The following RBFOX1 variants were observed in gnomAD, a reference collection of about 807,000 sequenced individuals.
The protein encoded by RBFOX1 is RNA binding protein fox-1 homolog 1.
Under a neutral mutation model 57.7 loss-of-function variants are expected in RBFOX1, and 8 were observed. The observed-to-expected ratio is 0.14, with a 90% CI of 0.08 to 0.25. The LOEUF is 0.25. Among genes scored for constraint, RBFOX1 ranks in the 10% least tolerant of loss-of-function variants. RBFOX1 has a pLI of 1.00. For synonymous variants in RBFOX1, 326 were observed against 222.4 expected, an observed-to-expected ratio of 1.47 and a Z score of -4.15; for missense variants, 611 against 548.5, an observed-to-expected ratio of 1.11 and a Z score of -1.14.
intron 1 of RBFOX1, among the ~76,000 whole-genome samples, chr16:6,087,833 A>T (rs1335399819): frequency 6.6e-6 from 1 of 151,780 alleles, no homozygotes; most frequent in African/African-American, 2.4e-5. Context: ...TTGTACTTTT[A>T]GTAGAGATGG....
At chr16:6,249,772 C>CTTTTTTTTTTT (rs55802545) in intron 1 of RBFOX1, among the ~76,000 whole-genome samples, 1 of 140,640 alleles carries the variant, frequency 7.1e-6, no homozygotes, top group African/African-American at 2.6e-5. Context: ...CATTTTTTTT[C>CTTTTTTTTTTT]TTTTTTTTTT....
At chr16:5,938,818 C>T (rs974755096) in intron 4 of RBFOX1, among the ~76,000 whole-genome samples, 7 of 152,130 alleles carry the variant, frequency 4.6e-5, no homozygotes, top group African/African-American at 1.7e-4. Flanking sequence ...ATGAACCACT[C>T]AGCTGAGCCT....
chr16:5,797,852 G>C (rs778334880), intron 3 of RBFOX1, among the ~76,000 whole-genome samples: 21 of 152,182 alleles, frequency 1.4e-4, no homozygotes, highest in Admixed American at 7.9e-4. Flanking sequence ...TTATAGGTAA[G>C]TCATGAGGCC....
chr16:7,066,060 A>G (rs1460422735), intron 4 of RBFOX1, among the ~76,000 whole-genome samples: 1 of 152,250 alleles, frequency 6.6e-6, no homozygotes, highest in Non-Finnish European at 1.5e-5. Context: ...AAGTTTTGCA[A>G]ACATCTAAGT....
intron 3 of RBFOX1, among the ~76,000 whole-genome samples, chr16:6,987,508 G>A (rs960535803): frequency 1.7e-4 from 24 of 138,538 alleles, no homozygotes; most frequent in Non-Finnish European, 3.2e-5. Context: ...CACACACAGA[G>A]GCATGCCCCA....
At chr16:7,135,886 T>G (rs2071794584) in intron 4 of RBFOX1, among the ~76,000 whole-genome samples, 1 of 152,222 alleles carries the variant, frequency 6.6e-6, no homozygotes. Flanking sequence ...CTCTGTTTGT[T>G]CTATTTTGCA....
chr16:5,763,048 A>C (rs1300912948), intron 3 of RBFOX1, among the ~76,000 whole-genome samples: 1 of 152,136 alleles, frequency 6.6e-6, no homozygotes, highest in African/African-American at 2.4e-5. Flanking sequence ...TTAAAGAAAA[A>C]CTTAATGTTA....
chr16:5,966,620 A>G (rs1164749212), intron 4 of RBFOX1, among the ~76,000 whole-genome samples: 1 of 152,082 alleles, frequency 6.6e-6, no homozygotes. Context: ...CAGCCAGCTA[A>G]TTTTTGTATT....
chr16:6,058,780 CCCA>C (rs1004414990), intron 1 of RBFOX1, among the ~76,000 whole-genome samples: 8 of 151,922 alleles, frequency 5.3e-5, no homozygotes, highest in African/African-American at 1.7e-4. Flanking sequence ...CACCCACCCA[CCCA>C]CCAACTAATT....
chr16:6,593,383 A>C (rs2097741516), intron 2 of RBFOX1, among the ~76,000 whole-genome samples: 1 of 152,188 alleles, frequency 6.6e-6, no homozygotes, highest in Non-Finnish European at 1.5e-5. Flanking sequence ...GAGAAAAAAT[A>C]ATGATCTGCC....
chr16:7,364,268 G>A (rs990411453), intron 4 of RBFOX1, among the ~76,000 whole-genome samples: 6 of 152,062 alleles, frequency 3.9e-5, no homozygotes, highest in African/African-American at 1.4e-4. Flanking sequence ...CAGGAAAGAC[G>A]GAACCCTTTG....
At chr16:5,844,369 G>T (rs2056698054) in intron 3 of RBFOX1, among the ~76,000 whole-genome samples, 1 of 152,166 alleles carries the variant, frequency 6.6e-6, no homozygotes, top group Admixed American at 6.5e-5. Context: ...AAAAGCCCTG[G>T]AATAAAGTCT....
intron 1 of RBFOX1, among the ~76,000 whole-genome samples, chr16:6,095,141 A>G (rs916158405): frequency 6.6e-6 from 1 of 152,242 alleles, no homozygotes; most frequent in Non-Finnish European, 1.5e-5. Flanking sequence ...GCCCATACAT[A>G]TATCATCATC....
chr16:6,515,438 A>C (rs56180118), intron 2 of RBFOX1, among the ~76,000 whole-genome samples: 1 of 152,190 alleles, frequency 6.6e-6, no homozygotes, highest in Non-Finnish European at 1.5e-5. Flanking sequence ...TTGGTCCTGG[A>C]CATATTTTTC....
chr16:6,248,614 T>A (rs2097583578), intron 1 of RBFOX1, among the ~76,000 whole-genome samples: 1 of 152,096 alleles, frequency 6.6e-6, no homozygotes, highest in South Asian at 2.1e-4. Context: ...TCCTCCAGGG[T>A]TTTTATTCAC....
intron 4 of RBFOX1, among the ~76,000 whole-genome samples, chr16:7,470,784 C>G (rs2061418560): frequency 1.3e-5 from 2 of 152,086 alleles, no homozygotes; most frequent in South Asian, 2.1e-4. Flanking sequence ...TGCCATTGAT[C>G]TCACTGGGGT....
At chr16:6,854,533 C>T (rs563870711) in intron 3 of RBFOX1, among the ~76,000 whole-genome samples, 5 of 150,524 alleles carry the variant, frequency 3.3e-5, no homozygotes, top group Admixed American at 2.7e-4. Flanking sequence ...TTTGCCTGGC[C>T]AACGACATCT....
At chr16:6,550,773 G>C (rs1331121133) in intron 2 of RBFOX1, among the ~76,000 whole-genome samples, 1 of 152,190 alleles carries the variant, frequency 6.6e-6, no homozygotes, top group Non-Finnish European at 1.5e-5. Flanking sequence ...AAGAATTTAT[G>C]TCTTTCTTGA....
intron 10 of RBFOX1, among the ~76,000 whole-genome samples, chr16:7,626,632 A>T (rs2060115616): frequency 6.6e-6 from 1 of 152,214 alleles, no homozygotes; most frequent in Non-Finnish European, 1.5e-5. Flanking sequence ...ACTTTATAAG[A>T]ACCAGGAAAG....
Sources: allele counts gnomAD v4.1 joint callset (sites outside exome capture counted in the v4.1 genomes callset), GRCh38; gene constraint gnomAD v4.1.1; transcripts MANE v1.5; gene names NCBI Gene and HGNC (gene_info 2026-07-23, HGNC 2026-07-21).